TPCN2: variants seen among roughly 807,000 people sequenced by gnomAD.
TPCN2 encodes two pore channel protein 2.
TPCN2 carries 92 observed loss-of-function variants against 111.4 expected under a neutral mutation model. That is an observed-to-expected ratio of 0.83 (90% CI 0.70 to 0.98). TPCN2 has a LOEUF of 0.98. Ranked by LOEUF, TPCN2 falls within the 50% of genes least tolerant of loss-of-function variation. TPCN2 has a pLI of 0.00. For missense variants in TPCN2, 995 were observed against 980.1 expected, an observed-to-expected ratio of 1.02 and a Z score of -0.20; for synonymous variants, 405 against 414.5, an observed-to-expected ratio of 0.98 and a Z score of 0.28.
At chr11:69,052,654 C>T (rs369644649) in intron 1 of TPCN2, among the ~76,000 whole-genome samples, 77 of 152,152 alleles carry the variant, frequency 5.1e-4, no homozygotes, top group Middle Eastern at 3.2e-3. Context: ...ACCTCTAATC[C>T]GTCCAGGGCC....
chr11:69,070,806 C>G (rs1855492920), intron 9 of TPCN2, among the ~76,000 whole-genome samples: 1 of 143,658 alleles, frequency 7.0e-6, no homozygotes, highest in African/African-American at 2.6e-5. Flanking sequence ...CCCCCACCAA[C>G]AGCTTCACCC....
At chr11:69,049,423 C>T (rs1446150936) in intron 1 of TPCN2, among the ~76,000 whole-genome samples, 2 of 152,224 alleles carry the variant, frequency 1.3e-5, no homozygotes, top group African/African-American at 2.4e-5. Context: ...GGCAGGCACC[C>T]TCCGTGTGCC....
chr11:69,073,709 T>C (rs1035783483), intron 13 of TPCN2, among the ~76,000 whole-genome samples: 2 of 152,234 alleles, frequency 1.3e-5, no homozygotes, highest in African/African-American at 4.8e-5. Flanking sequence ...TGGTTCCTCC[T>C]GAGGCCCCTC....
intron 10 of TPCN2, 62 bp downstream of exon 10, chr11:69,071,482 C>T (rs1159039661): frequency 1.4e-6 from 2 of 1,470,376 alleles, no homozygotes; most frequent in Non-Finnish European, 1.9e-6. Flanking sequence ...CAGGGTGTGG[C>T]TTGAGATGAG....
chr11:69,086,395 C>A, intron 22 of TPCN2, 128 bp from the exon 23 acceptor site: 2 of 771,538 alleles, frequency 2.6e-6, no homozygotes, highest in Non-Finnish European at 2.3e-6. Context: ...AATAGTAACG[C>A]GCTCTGCATC....
chr11:69,076,902 A>C (rs1235078115), intron 13 of TPCN2, among the ~76,000 whole-genome samples: 2 of 58,628 alleles, frequency 3.4e-5, no homozygotes, highest in Non-Finnish European at 5.8e-5. Context: ...CCCTCCTGCC[A>C]TGTCCCTCCA....
chr11:69,071,494 A>C, intron 10 of TPCN2, 74 bp downstream of exon 10: 2 of 1,374,302 alleles, frequency 1.5e-6, no homozygotes, highest in Non-Finnish European at 2.0e-6. Context: ...TGAGATGAGC[A>C]GCTGGGTGAC....
chr11:69,063,853 G>GC lies in TPCN2; in HGVS notation c.654-39dup, dbSNP rs1245348844. The GC allele has an allele frequency of 6.2e-6, 10 of 1,603,384 alleles. No individual in the cohort carries two copies. The African/African-American group carries it at 1.2e-4, about 19-fold the overall frequency. On this transcript the variant is annotated intron_variant, in intron 6 of 24. Coordinates refer to ENST00000294309, the MANE Select transcript of TPCN2 (RefSeq NM_139075.4). ...GCAGGCAGGTCAGGTGTCCCTGCCT[G>GC]CCCGCCGCCTGGCCCAGGCTGAGTG...
chr11:69,077,721 G>A (rs1024259165), intron 13 of TPCN2, among the ~76,000 whole-genome samples: 4 of 152,240 alleles, frequency 2.6e-5, no homozygotes, highest in Admixed American at 6.5e-5. Flanking sequence ...TGTTCACGCA[G>A]CCATGTCTTC....
In TPCN2 at chr11:69,057,672, C is replaced by G; in HGVS notation, c.524C>G (p.Ser175Cys). The G allele has an allele frequency of 6.2e-7, 1 of 1,614,154 alleles. No individual in the cohort carries two copies. The highest frequency in any genetic ancestry group is 8.5e-7 in the Non-Finnish European group (1 of 1,179,998). ...GTGTCTCTGGTGGACTGGACCGTGTCCCTGAGTCTCGTGTGTCATGAGGTA... is the reference window on the plus strand; with the variant it reads ...GTGTCTCTGGTGGACTGGACCGTGTGCCTGAGTCTCGTGTGTCATGAGGTA... ...LVVSLVDWTV[S>C]LSLVCHEPLR... The change falls in exon 5 of 25, where the codon TCC becomes TGC. Residue 175 changes from serine to cysteine, a missense_variant. Coordinates refer to ENST00000294309, the MANE Select transcript of TPCN2 (RefSeq NM_139075.4).
chr11:69,073,693 CA>C (rs1855634904), intron 13 of TPCN2, among the ~76,000 whole-genome samples: 1 of 152,266 alleles, frequency 6.6e-6, no homozygotes, highest in Non-Finnish European at 1.5e-5. Flanking sequence ...CCAAGTGTCA[CA>C]GGGCTGGTTC....
At chr11:69,060,835 G>T (rs532790483) in intron 5 of TPCN2, among the ~76,000 whole-genome samples, 4 of 152,372 alleles carry the variant, frequency 2.6e-5, no homozygotes, top group Admixed American at 6.5e-5. Context: ...CCTAAGACCA[G>T]AGTTTCCAAC....
chr11:69,067,323 T>TG (rs1459665488), intron 7 of TPCN2, among the ~76,000 whole-genome samples, 180 bp from the exon 8 acceptor site: 1 of 152,222 alleles, frequency 6.6e-6, no homozygotes, highest in African/African-American at 2.4e-5. Flanking sequence ...TGCCCACTCT[T>TG]GCGCCCGGAG....
At chr11:69,049,552 G>C (rs1440821784) in intron 1 of TPCN2, among the ~76,000 whole-genome samples, 1 of 152,264 alleles carries the variant, frequency 6.6e-6, no homozygotes, top group Non-Finnish European at 1.5e-5. Context: ...GAGGCTCACA[G>C]AGAGGCGTTA....
chr11:69,051,219 C>G (rs1469675725), intron 1 of TPCN2, among the ~76,000 whole-genome samples: 1 of 152,238 alleles, frequency 6.6e-6, no homozygotes, highest in African/African-American at 2.4e-5. Context: ...CTTGGCCCCA[C>G]CTGATGGGGC....
In TPCN2 at chr11:69,085,852, C is replaced by G. The variant is rs143309830; in HGVS notation, c.1925C>G (p.Ala642Gly). ...WANNFDDFAA[A>G]LVTLWNLMVV... is the part of the protein sequence containing the mutation. ...CGCTGGTCTCTGCCCCCGCAGGCTG[C>G]CCTGGTCACTCTGTGGAACTTGATG... Residue 642 changes from alanine to glycine, a missense_variant, in exon 22 of 25, where the codon GCC becomes GGC. Physicochemically the swap from Ala to Gly is moderately conservative, Grantham distance 60 (BLOSUM62 0). Coordinates refer to ENST00000294309, the MANE Select transcript of TPCN2 (RefSeq NM_139075.4). The G allele has an allele frequency of 1.3e-4, 212 of 1,614,184 alleles. 2 individuals carry two copies. In the African/African-American group the frequency reaches 2.7e-3, roughly 20 times the overall value.
chr11:69,055,781 A>G (rs1208212528), intron 4 of TPCN2, among the ~76,000 whole-genome samples: 1 of 152,192 alleles, frequency 6.6e-6, no homozygotes, highest in Non-Finnish European at 1.5e-5. Context: ...GCAGGCTGAC[A>G]GGGCCTCTGG....
intron 5 of TPCN2, among the ~76,000 whole-genome samples, chr11:69,060,735 G>A (rs894653329): frequency 2.0e-5 from 3 of 152,186 alleles, no homozygotes; most frequent in Non-Finnish European, 4.4e-5. Context: ...AGGTGAGGGT[G>A]CAAGTTCCTG....
rs1856156638 is a variant in TPCN2, at chr11:69,083,978, C to T, written c.1723C>T (p.Leu575=). 2 of 1,614,016 alleles carry T rather than the reference C, an allele frequency of 1.2e-6. No homozygotes were observed. Among genetic ancestry groups the T allele is most frequent in the African/African-American group, 1.3e-5 (1 of 74,904 alleles). ...MAVVASTVLG[L]VQNMRAFGGI... ...CGTGGTGGCCAGTACCGTCCTGGGC[C>T]TGGTGCAGAACATGCGTGCGTTTGG... Residue 575 remains leucine (L), a synonymous_variant, in exon 19 of 25, where the codon CTG becomes TTG. Coordinates refer to ENST00000294309, the MANE Select transcript of TPCN2 (RefSeq NM_139075.4).
Sources: allele counts gnomAD v4.1 joint callset (sites outside exome capture counted in the v4.1 genomes callset), GRCh38; gene constraint gnomAD v4.1.1; transcripts MANE v1.5; gene names NCBI Gene and HGNC (gene_info 2026-07-23, HGNC 2026-07-21).